The following MUC12 variants were observed in gnomAD, a reference collection of about 807,000 sequenced individuals.
MUC12 encodes the protein mucin-12.
A neutral mutation model predicts 230.8 loss-of-function variants in MUC12; 172 were observed. The observed-to-expected ratio is 0.75, with a 90% confidence interval of 0.66 to 0.85. The LOEUF is 0.85. Among genes scored for constraint, MUC12 ranks in the 40% least tolerant of loss-of-function variants. The pLI is 0.00. For missense variants in MUC12, 3,506 were observed against 5,920.6 expected (o/e 0.59, Z 13.38); for synonymous variants, 1,259 against 2,401.9 (o/e 0.52, Z 13.91).
At position 100,992,576 on chromosome 7, in the gene MUC12, C is replaced by A. The variant is rs779899438; in HGVS notation, c.2013C>A (p.Thr671=). 5.2e-6 allele frequency: 8 copies of A among 1,537,780 alleles called. No individual in the cohort carries two copies. The highest frequency in any genetic ancestry group is 6.1e-6 in the Non-Finnish European group (7 of 1,147,026). The change falls in exon 2 of 12, where the codon ACC becomes ACA. Residue 671 remains threonine, a synonymous_variant. Transcript: ENST00000536621. ...SHGSPSSIPT[T]HISARSTTSG... is the part of the protein sequence containing the mutation. ...GCAGCCCGAGCTCAATTCCAACAACCCACATTTCTGCCCGCTCCACAACCT... is the reference window on the plus strand; with the variant it reads ...GCAGCCCGAGCTCAATTCCAACAACACACATTTCTGCCCGCTCCACAACCT...
chr7:101,017,560 G>A lies in MUC12; in HGVS notation c.15878-15G>A, dbSNP rs574458622. The A allele has an allele frequency of 2.4e-5, 37 of 1,517,680 alleles. No homozygotes were observed. The East Asian group carries it at 5.4e-4, about 22-fold the overall frequency. The allele number at this position is 1,517,680 out of a possible 1,614,324, so 94.0% of individuals were successfully genotyped here. Reference sequence around the variant, plus strand: ...TACCAAGGCTCCCATCACTCATCACGGCCTCTCCCTACAGACCAGAATCTG... The same window carrying A: ...TACCAAGGCTCCCATCACTCATCACAGCCTCTCCCTACAGACCAGAATCTG... On this transcript the variant is annotated splice_polypyrimidine_tract_variant and intron_variant, in intron 10 of 11. Transcript: ENST00000536621.
intron 10 of MUC12, chr7:101,016,757 G>A (rs917565643): frequency 3.3e-5 from 5 of 152,388 alleles, no homozygotes; most frequent in African/African-American, 1.2e-4. Context: ...GTGGGAGAGG[G>A]AGAGGGAGTG....
chr7:100,978,327 T>C (rs960181655), intron 1 of MUC12, among the ~76,000 whole-genome samples: 2 of 152,154 alleles, frequency 1.3e-5, no homozygotes, highest in Non-Finnish European at 2.9e-5. Flanking sequence ...GTTAAAGGAA[T>C]AGACCCAGGC....
chr7:101,003,169 T>TGGTCG lies in MUC12; in HGVS notation c.12606_12607insGGTCG (p.Ser4203GlyfsTer303). Reference sequence around the variant, plus strand: ...GCCCCAGATCACCGGACACAACACTTTCACCTGCCAGCACGACAAGCTCAG... The same window carrying TGGTCG: ...GCCCCAGATCACCGGACACAACACTTGGTCGTCACCTGCCAGCACGACAAGCTCAG... On this transcript the variant is annotated frameshift_variant, in exon 2 of 12. Coordinates refer to ENST00000536621, the MANE Select transcript of MUC12 (RefSeq NM_001164462.2). LOFTEE classifies it high-confidence loss of function. The TGGTCG allele has an allele frequency of 1.2e-6, 1 of 818,132 alleles. No individual in the cohort carries two copies. The highest frequency in any genetic ancestry group is 4.0e-5 in the East Asian group (1 of 24,888). The allele number at this position is 818,132 out of a possible 1,614,324, so 50.7% of individuals were successfully genotyped here. A position where few individuals can be genotyped will look rare whatever the true frequency, so the allele number is the denominator to read the frequency against.
At position 101,004,379 on chromosome 7, in the gene MUC12, C is replaced by T. The variant is rs374133624; in HGVS notation, c.13816C>T (p.His4606Tyr). 1.3e-5 allele frequency: 19 copies of T among 1,479,078 alleles called. No homozygotes were observed. The highest frequency in any genetic ancestry group is 6.2e-5 in the South Asian group (5 of 81,082). 91.6% of individuals were successfully genotyped at this position (1,479,078 alleles called of 1,614,324 possible). A position where few individuals can be genotyped will look rare whatever the true frequency, so the allele number is the denominator to read the frequency against. Residue 4606 changes from histidine to tyrosine, a missense_variant, in exon 2 of 12, where the codon CAC becomes TAC. By Grantham distance (83) the His-to-Tyr change is moderately conservative. Coordinates refer to ENST00000536621, the MANE Select transcript of MUC12 (RefSeq NM_001164462.2). ...CCTCGTTGAAGAATCTACGGCGTAC[C>T]ACAGCAGCCCGGGCTCAACTCAAAC... ...SGLVEESTAYHSSPGSTQTMH... is the reference protein window; with the variant it reads ...SGLVEESTAYYSSPGSTQTMH...
chr7:100,992,526 G>A lies in MUC12; in HGVS notation c.1963G>A (p.Val655Ile), dbSNP rs1473082154. ...PAPPTTTSAF[V>I]EPSTTSHGSP... ...ACCTCCTACTACCACATCAGCCTTT[G>A]TTGAGCCATCTACAACCTCCCACGG... The change falls in exon 2 of 12, where the codon GTT becomes ATT. Residue 655 changes from valine (V) to isoleucine (I), a missense_variant. By Grantham distance (29) the Val-to-Ile change is conservative. Transcript: ENST00000536621. The A allele has an allele frequency of 2.6e-6, 4 of 1,537,808 alleles. No homozygotes were observed. Among genetic ancestry groups the A allele is most frequent in the African/African-American group, 2.7e-5 (2 of 73,026 alleles).
At chr7:100,984,122 A>G (rs974355910) in intron 1 of MUC12, among the ~76,000 whole-genome samples, 1 of 152,160 alleles carries the variant, frequency 6.6e-6, no homozygotes, top group African/African-American at 2.4e-5. Context: ...TGTCCCAAAC[A>G]AAGAATTGGA....
chr7:100,991,026 C>G lies in MUC12; in HGVS notation c.463C>G (p.Arg155Gly). Residue 155 changes from arginine (R) to glycine (G), a missense_variant, in exon 2 of 12, where the codon CGC (arginine) becomes GGC (glycine). Transcript: ENST00000536621. ...ACCAGACAGAACACTCTCACCTGCC[C>G]GCACGACAAGCTCAGGCGTCAGTGA... ...RSPDRTLSPA[R>G]TTSSGVSEKS... 1.3e-6 allele frequency: 2 copies of G among 1,537,792 alleles called. No homozygotes were observed. Among genetic ancestry groups the G allele is most frequent in the African/African-American group, 1.4e-5 (1 of 73,118 alleles).
rs1793318870 is a variant in MUC12, at chr7:100,991,853, C to A, written c.1290C>A (p.Ile430=). The change falls in exon 2 of 12, where the codon ATC becomes ATA. Residue 430 remains isoleucine (I), a synonymous_variant. Transcript: ENST00000536621. The stretch of plus-strand genomic sequence containing the variant: ...CACACTTCCGTGATAGCTCCACAAT[C>A]TCAGGCCGTAGTGAGGAATCAAAAG... ...ETTHFRDSST[I]SGRSEESKAS... 2 of 1,537,592 alleles carry A rather than the reference C, an allele frequency of 1.3e-6. No individual in the cohort carries two copies. The highest frequency in any genetic ancestry group is 2.4e-5 in the South Asian group (2 of 84,046).
At chr7:101,016,450 G>C (rs966657726) in intron 10 of MUC12, among the ~76,000 whole-genome samples, 1 of 152,070 alleles carries the variant, frequency 6.6e-6, no homozygotes, top group African/African-American at 2.4e-5. Flanking sequence ...TGTGATTACA[G>C]GCATGCCACC....
chr7:101,004,615 A>C lies in MUC12; in HGVS notation c.14052A>C (p.Thr4684=). ...STTSGRSEES[T]ASHSSPDTNG... is the part of the protein sequence containing the mutation. ...CCTCCGGCCGTAGTGAGGAATCAAC[A>C]GCATCCCACAGCAGCCCAGATACAA... The change falls in exon 2 of 12, where the codon ACA becomes ACC. Residue 4684 remains threonine (T), a synonymous_variant. Transcript: ENST00000536621. 6.5e-7 allele frequency: 1 copy of C among 1,536,704 alleles called. No homozygotes were observed. Among genetic ancestry groups the C allele is most frequent in the Non-Finnish European group, 8.7e-7 (1 of 1,146,086 alleles).
intron 1 of MUC12, among the ~76,000 whole-genome samples, chr7:100,977,134 C>T (rs1311650209): frequency 1.3e-5 from 2 of 150,676 alleles, no homozygotes; most frequent in African/African-American, 4.9e-5. Flanking sequence ...GGATTTGAAC[C>T]TAAGCTTTCC....
intron 5 of MUC12, among the ~76,000 whole-genome samples, chr7:101,010,227 G>C (rs117645739): frequency 0.045 from 6,903 of 152,144 alleles, 225 homozygotes; most frequent in Non-Finnish European, 0.063. Flanking sequence ...GGGGTAGAAT[G>C]GGGGAAGGAG....
rs1161957356 is a variant in MUC12, at chr7:101,004,933, C to T, written c.14370C>T (p.Leu4790=). ...AFPASTTTSG[L]SQESTTFHSK... is the part of the protein sequence containing the mutation. The stretch of plus-strand genomic sequence containing the variant: ...CTGCCAGCACCACCACCTCAGGCCT[C>T]AGTCAGGAATCAACAACTTTCCACA... The change falls in exon 2 of 12, where the codon CTC becomes CTT. Residue 4790 remains leucine (L), a synonymous_variant. Transcript: ENST00000536621. 1 of 1,537,814 alleles carries T rather than the reference C, an allele frequency of 6.5e-7. No individual in the cohort carries two copies. The highest frequency in any genetic ancestry group is 8.7e-7 in the Non-Finnish European group (1 of 1,147,042).
chr7:100,991,179 A>G lies in MUC12; in HGVS notation c.616A>G (p.Thr206Ala). Reference sequence around the variant, plus strand: ...CAGCATCCCCGGCTCCACAGACACAACACTGTCCCCTGGCACTACCACACC... The same window carrying G: ...CAGCATCCCCGGCTCCACAGACACAGCACTGTCCCCTGGCACTACCACACC... ...SHSIPGSTDT[T>A]LSPGTTTPSS... The change falls in exon 2 of 12, where the codon ACA (threonine) becomes GCA (alanine). Residue 206 changes from threonine (T) to alanine (A), a missense_variant. Physicochemically the swap from Thr to Ala is moderately conservative, Grantham distance 58. Coordinates refer to ENST00000536621, the MANE Select transcript of MUC12 (RefSeq NM_001164462.2). The G allele has an allele frequency of 1.3e-6, 2 of 1,537,542 alleles. No individual in the cohort carries two copies. The highest frequency in any genetic ancestry group is 1.7e-6 in the Non-Finnish European group (2 of 1,146,814).
chr7:101,015,118 A>T (rs919037687), intron 9 of MUC12: 1 of 164,532 alleles, frequency 6.1e-6, no homozygotes, highest in Non-Finnish European at 1.3e-5. Flanking sequence ...TTCAAACCAT[A>T]ACACAGAGAA....
intron 10 of MUC12, among the ~76,000 whole-genome samples, chr7:101,016,036 C>T (rs576275998): frequency 6.6e-6 from 1 of 152,098 alleles, no homozygotes; most frequent in East Asian, 1.9e-4. Context: ...TCAGATTAGC[C>T]CCCAGGTGAG....
chr7:101,007,675 C>T (rs972010586), intron 3 of MUC12, among the ~76,000 whole-genome samples: 7 of 152,340 alleles, frequency 4.6e-5, no homozygotes, highest in African/African-American at 1.4e-4. Flanking sequence ...GGGTTGCTTC[C>T]AAGTCTTGGC....
intron 1 of MUC12, among the ~76,000 whole-genome samples, chr7:100,975,103 T>C (rs79731818): frequency 7.5e-3 from 1 of 134 alleles, no homozygotes; most frequent in East Asian, 0.5. Flanking sequence ...GCTCCTGGAA[T>C]GGGGACACAG....
Sources: gnomAD v4.1 joint callset for allele counts (sites outside exome capture counted in the v4.1 genomes callset) on GRCh38, gnomAD v4.1.1 for gene constraint, MANE v1.5 for transcripts, NCBI Gene and HGNC (gene_info 2026-07-23, HGNC 2026-07-21) for gene names.